The following NEK11 variants were observed in gnomAD, a reference collection of about 807,000 sequenced individuals.
NEK11 encodes the protein NIMA related kinase 11.
Under a neutral mutation model 80.7 loss-of-function variants are expected in NEK11, and 72 were observed. That is an observed-to-expected ratio of 0.89 (90% CI 0.74 to 1.08). The LOEUF is 1.08. Among genes scored for constraint, NEK11 ranks in the 50% least tolerant of loss-of-function variants. The probability of loss-of-function intolerance (pLI) is 0.00; values close to 1 mark genes in which losing one functional copy is unlikely to be tolerated. For synonymous variants in NEK11, 251 were observed against 260.7 expected, an observed-to-expected ratio of 0.96 and a Z score of 0.36; for missense variants, 764 against 763.6, an observed-to-expected ratio of 1.00 and a Z score of -0.01.
chr3:131,334,758 TAGACACAATAC>T (rs1454319192), intron 17 of NEK11, among the ~76,000 whole-genome samples: 1 of 152,148 alleles, frequency 6.6e-6, no homozygotes, highest in Non-Finnish European at 1.5e-5. Context: ...AAGAATCAAA[TAGACACAATAC>T]AAAATGATAA....
intron 5 of NEK11, among the ~76,000 whole-genome samples, chr3:131,122,728 C>T (rs910445104): frequency 6.6e-6 from 1 of 152,210 alleles, no homozygotes; most frequent in African/African-American, 2.4e-5. Flanking sequence ...TTGTCCATAC[C>T]TTCTCCACAG....
At chr3:131,250,627 C>G (rs765101487) in intron 16 of NEK11, among the ~76,000 whole-genome samples, 1 of 151,946 alleles carries the variant, frequency 6.6e-6, no homozygotes, top group Non-Finnish European at 1.5e-5. Context: ...TAAGGGGATT[C>G]CCAGAATGAG....
chr3:131,300,909 G>T (rs2096654189), intron 17 of NEK11, among the ~76,000 whole-genome samples: 1 of 152,130 alleles, frequency 6.6e-6, no homozygotes, highest in Admixed American at 6.5e-5. Flanking sequence ...TTGTAATACT[G>T]TGAAGAATGT....
At chr3:131,290,437 T>A (rs2096532097) in intron 17 of NEK11, among the ~76,000 whole-genome samples, 1 of 152,186 alleles carries the variant, frequency 6.6e-6, no homozygotes, top group Non-Finnish European at 1.5e-5. Flanking sequence ...TCTCAAGAAA[T>A]TGTGATGTTC....
intron 17 of NEK11, among the ~76,000 whole-genome samples, chr3:131,277,446 TG>T (rs1478704868): frequency 6.6e-6 from 1 of 152,146 alleles, no homozygotes; most frequent in Non-Finnish European, 1.5e-5. Context: ...CCTTCCCCAT[TG>T]TTACATAAGC....
chr3:131,247,069 G>T (rs931445913), intron 16 of NEK11, among the ~76,000 whole-genome samples: 3 of 152,180 alleles, frequency 2.0e-5, no homozygotes, highest in East Asian at 3.9e-4. Flanking sequence ...TCTGTGGGTT[G>T]TCTGTTAATT....
rs1406773926 is a variant in NEK11, at chr3:131,152,447, A to G, written c.707A>G (p.Asn236Ser). ...ATGAATCATGCATTCGCTGGCTCCAATTTCTTATCCATTGTTTTAAAAATT... is the reference window on the plus strand; with the variant it reads ...ATGAATCATGCATTCGCTGGCTCCAGTTTCTTATCCATTGTTTTAAAAATT... ...CCMNHAFAGSNFLSIVLKIVE... is the reference protein window; with the variant it reads ...CCMNHAFAGSSFLSIVLKIVE... Residue 236 changes from asparagine to serine, a missense_variant, in exon 8 of 18, where the codon AAT becomes AGT. Asn to Ser is a conservative substitution (Grantham distance 46). Transcript: ENST00000383366. The G allele has an allele frequency of 3.1e-6, 5 of 1,613,810 alleles. No individual in the cohort carries two copies. Among genetic ancestry groups the G allele is most frequent in the East Asian group, 2.2e-5 (1 of 44,880 alleles).
intron 9 of NEK11, among the ~76,000 whole-genome samples, 172 bp downstream of exon 9, chr3:131,152,881 C>T (rs907688892): frequency 2.8e-4 from 43 of 152,122 alleles, no homozygotes; most frequent in Admixed American, 2.4e-3. Context: ...GTCAAGAGAT[C>T]GAGACCATCC....
At chr3:131,297,735 GC>G (rs1417147134) in intron 17 of NEK11, among the ~76,000 whole-genome samples, 3 of 152,036 alleles carry the variant, frequency 2.0e-5, no homozygotes, top group African/African-American at 7.2e-5. Flanking sequence ...TGAAGTCCTT[GC>G]CCATGCCTAT....
chr3:131,278,106 A>T (rs1010448929), intron 17 of NEK11, among the ~76,000 whole-genome samples: 3 of 152,230 alleles, frequency 2.0e-5, no homozygotes, highest in African/African-American at 7.2e-5. Context: ...GCATGCGAAA[A>T]GTGCTAGTGC....
At chr3:131,155,715 T>C (rs1220416871) in intron 10 of NEK11, among the ~76,000 whole-genome samples, 2 of 152,232 alleles carry the variant, frequency 1.3e-5, no homozygotes, top group Non-Finnish European at 2.9e-5. Context: ...GATTTTTGCA[T>C]AGTTTTACAG....
chr3:131,347,122 T>C (rs1251526232), intron 17 of NEK11, among the ~76,000 whole-genome samples: 3 of 152,160 alleles, frequency 2.0e-5, no homozygotes, highest in East Asian at 1.9e-4. Context: ...GAATCAGTCC[T>C]GACAATCTCA....
rs1202417657 is a variant in NEK11 at position 131,080,409 on chromosome 3, T to C, written c.171-14T>C. ...TTCAGCTCTAAATGTTTTTAAAATT[T>C]TTTTTGATCTCAGAAAGGTACTTAA... On this transcript the variant is annotated splice_polypyrimidine_tract_variant and intron_variant, in intron 3 of 17. Coordinates refer to ENST00000383366, the MANE Select transcript of NEK11 (RefSeq NM_024800.5). 19 of 1,583,074 alleles carry C rather than the reference T, an allele frequency of 1.2e-5. No homozygotes were observed. The highest frequency in any genetic ancestry group is 1.5e-5 in the Non-Finnish European group (17 of 1,166,294).
intron 7 of NEK11, 123 bp downstream of exon 7, chr3:131,134,079 AC>A: frequency 2.4e-6 from 2 of 833,828 alleles, no homozygotes; most frequent in Non-Finnish European, 3.5e-6. Context: ...TATTTCTGTG[AC>A]CAGAGTAAAA....
intron 3 of NEK11, among the ~76,000 whole-genome samples, chr3:131,031,106 A>T (rs1024393454): frequency 2.0e-5 from 3 of 152,214 alleles, no homozygotes; most frequent in African/African-American, 4.8e-5. Flanking sequence ...CTACATCTTC[A>T]TAGGTCATAG....
At chr3:131,267,516 C>A (rs752248462) in intron 16 of NEK11, among the ~76,000 whole-genome samples, 3 of 152,132 alleles carry the variant, frequency 2.0e-5, no homozygotes, top group Non-Finnish European at 2.9e-5. Flanking sequence ...GAATATTGGC[C>A]CCCACTCTCT....
intron 16 of NEK11, among the ~76,000 whole-genome samples, chr3:131,251,883 A>G (rs879895382): frequency 2.0e-5 from 3 of 152,130 alleles, no homozygotes; most frequent in Non-Finnish European, 4.4e-5. Context: ...ATGGGAGCAC[A>G]TGCTTTTGAA....
intron 7 of NEK11, among the ~76,000 whole-genome samples, chr3:131,134,548 C>T (rs913094145): frequency 1.3e-5 from 2 of 151,828 alleles, no homozygotes; most frequent in Admixed American, 6.6e-5. Context: ...CTACAGGCTC[C>T]CACCACCACG....
intron 17 of NEK11, among the ~76,000 whole-genome samples, chr3:131,338,499 T>C (rs533048472): frequency 2.0e-5 from 3 of 152,158 alleles, no homozygotes; most frequent in South Asian, 4.1e-4. Context: ...TAGGTATTTA[T>C]CCAAGTCAAG....
Sources: gnomAD v4.1 joint callset for allele counts (sites outside exome capture counted in the v4.1 genomes callset) on GRCh38, gnomAD v4.1.1 for gene constraint, MANE v1.5 for transcripts, NCBI Gene and HGNC (gene_info 2026-07-23, HGNC 2026-07-21) for gene names.